The following ADAM23 variants were observed in gnomAD, a reference collection of about 807,000 sequenced individuals.
ADAM23 encodes ADAM metallopeptidase domain 23.
ADAM23 carries 33 observed loss-of-function variants against 120.1 expected under a neutral mutation model. The observed-to-expected ratio is 0.27, with a 90% confidence interval of 0.21 to 0.37. The LOEUF (loss-of-function observed/expected upper bound fraction) is 0.37. Ranked by LOEUF, ADAM23 falls within the 10% of genes least tolerant of loss-of-function variation. ADAM23 has a pLI of 1.00. For synonymous variants in ADAM23, 367 were observed against 375.2 expected (o/e 0.98, Z 0.25); for missense variants, 862 against 1,058.2 (o/e 0.81, Z 2.57).
chr2:206,583,439 G>A (rs1321271557), intron 18 of ADAM23, among the ~76,000 whole-genome samples: 2 of 150,172 alleles, frequency 1.3e-5, no homozygotes, highest in Non-Finnish European at 3.0e-5. Flanking sequence ...GGGCGAAAGA[G>A]CGAGACTCCG....
At chr2:206,527,132 A>G (rs12998785) in intron 3 of ADAM23, among the ~76,000 whole-genome samples, 2,738 of 152,312 alleles carry the variant, frequency 0.018, 30 homozygotes, top group Middle Eastern at 0.051. Context: ...TTTATTTTAG[A>G]ATTTAGGATG....
At chr2:206,576,938 A>G (rs1361313266) in intron 18 of ADAM23, among the ~76,000 whole-genome samples, 3 of 152,196 alleles carry the variant, frequency 2.0e-5, no homozygotes, top group Non-Finnish European at 4.4e-5. Context: ...ATAATTTAAA[A>G]TAAACACTTC....
chr2:206,579,521 T>C (rs946776055), intron 18 of ADAM23, among the ~76,000 whole-genome samples: 1 of 152,218 alleles, frequency 6.6e-6, no homozygotes, highest in African/African-American at 2.4e-5. Flanking sequence ...TTTTGTTTGC[T>C]TTATCAAAGA....
chr2:206,534,372 A>G (rs1040052472), intron 4 of ADAM23, among the ~76,000 whole-genome samples: 2 of 152,216 alleles, frequency 1.3e-5, no homozygotes, highest in Non-Finnish European at 2.9e-5. Context: ...TAAATTGTAT[A>G]TATAGGAATT....
At chr2:206,444,144 G>A in intron 1 of ADAM23, 64 bp downstream of exon 1, 2 of 1,194,810 alleles carry the variant, frequency 1.7e-6, no homozygotes, top group Non-Finnish European at 2.1e-6. Context: ...GAAAGCGAAG[G>A]GCGCGCGGGT....
chr2:206,468,921 C>T (rs760386576), intron 2 of ADAM23, among the ~76,000 whole-genome samples: 10 of 152,164 alleles, frequency 6.6e-5, no homozygotes, highest in Non-Finnish European at 1.0e-4. Context: ...AGCAGTCATT[C>T]ACATGGCCAG....
chr2:206,572,380 A>G (rs1224166553), intron 17 of ADAM23, among the ~76,000 whole-genome samples: 1 of 152,182 alleles, frequency 6.6e-6, no homozygotes, highest in Non-Finnish European at 1.5e-5. Flanking sequence ...TTATTTTTGA[A>G]AACTCATTTT....
Position 206,530,978 on chromosome 2 carries a change from A to G in ADAM23, c.573+30A>G, listed in dbSNP as rs16824776. 0.015 allele frequency: 23,571 copies of G among 1,595,088 alleles called. 660 individuals carry two copies. The highest frequency in any genetic ancestry group is 0.1 in the East Asian group (4,512 of 44,700). On this transcript the variant is annotated intron_variant, in intron 4 of 25. Transcript: ENST00000264377. ...GGTTACCGGCGTCGGCAAGTACTCTAGTATAAGTGTGCTTATCATAGAGTT... is the reference window on the plus strand; with the variant it reads ...GGTTACCGGCGTCGGCAAGTACTCTGGTATAAGTGTGCTTATCATAGAGTT...
intron 16 of ADAM23, among the ~76,000 whole-genome samples, 170 bp downstream of exon 16, chr2:206,570,981 T>G (rs1416510323): frequency 1.3e-5 from 2 of 152,252 alleles, no homozygotes; most frequent in Non-Finnish European, 2.9e-5. Flanking sequence ...CATGTCCTTA[T>G]GGCCTTGTCT....
intron 24 of ADAM23, chr2:206,608,023 AT>A (rs1184402300): frequency 2.4e-6 from 1 of 420,110 alleles, no homozygotes; most frequent in South Asian, 1.8e-5. Context: ...ATGGTTATAT[AT>A]TTTTTTAATA....
At chr2:206,557,128 C>CACA (rs1697661289) in intron 9 of ADAM23, among the ~76,000 whole-genome samples, 1 of 151,836 alleles carries the variant, frequency 6.6e-6, no homozygotes, top group African/African-American at 2.4e-5. Context: ...CAGGATCTCA[C>CACA]TGTGTTGCTT....
At chr2:206,488,402 T>G (rs1449523075) in intron 3 of ADAM23, among the ~76,000 whole-genome samples, 1 of 152,134 alleles carries the variant, frequency 6.6e-6, no homozygotes, top group Non-Finnish European at 1.5e-5. Context: ...AAGGTGGGAT[T>G]CCATGGGACT....
chr2:206,551,245 CA>C (rs1697519676), intron 9 of ADAM23, among the ~76,000 whole-genome samples: 1 of 151,968 alleles, frequency 6.6e-6, no homozygotes, highest in African/African-American at 2.4e-5. Context: ...TAGCTGATTT[CA>C]AGCTATCAAA....
intron 21 of ADAM23, 87 bp downstream of exon 21, chr2:206,589,601 G>T: frequency 9.2e-7 from 1 of 1,085,076 alleles, no homozygotes; most frequent in Non-Finnish European, 1.3e-6. Flanking sequence ...AAATGCTAAT[G>T]ATTTTTTTCT....
At chr2:206,526,481 C>T (rs1696950725) in intron 3 of ADAM23, among the ~76,000 whole-genome samples, 1 of 152,154 alleles carries the variant, frequency 6.6e-6, no homozygotes, top group South Asian at 2.1e-4. Context: ...AGTTCTTCTC[C>T]AAATCATGAT....
intron 3 of ADAM23, among the ~76,000 whole-genome samples, chr2:206,524,866 T>C (rs1159888842): frequency 3.3e-5 from 5 of 152,162 alleles, no homozygotes; most frequent in African/African-American, 9.7e-5. Flanking sequence ...TGAAGTATGA[T>C]GACAGAACCC....
In ADAM23 at chr2:206,471,067, A is replaced by G. The variant is rs568915293; in HGVS notation, c.433-10165A>G. ...AATCACTGGGTAGAAACAGTATGAAACCTATCAACAAGGATCAGTGAATCG... is the reference window on the plus strand; with the variant it reads ...AATCACTGGGTAGAAACAGTATGAAGCCTATCAACAAGGATCAGTGAATCG... On this transcript the variant is annotated intron_variant, in intron 2 of 25. Coordinates refer to ENST00000264377, the MANE Select transcript of ADAM23 (RefSeq NM_003812.4). Among the ~76,000 whole-genome samples the G allele has an allele frequency of 2.0e-5, 3 of 152,326 alleles. No individual in the cohort carries two copies. In the East Asian group the frequency reaches 5.8e-4, roughly 29 times the overall value.
At chr2:206,614,126 G>T (rs139497520) in intron 25 of ADAM23, among the ~76,000 whole-genome samples, 99 of 152,264 alleles carry the variant, frequency 6.5e-4, no homozygotes, top group African/African-American at 2.4e-3. Context: ...GGCCATACTG[G>T]CCTGGCATAG....
rs569470104 is a variant in ADAM23 at position 206,531,844 on chromosome 2, G to A, written c.573+896G>A. On this transcript the variant is annotated intron_variant, in intron 4 of 25. Coordinates refer to ENST00000264377, the MANE Select transcript of ADAM23 (RefSeq NM_003812.4). ...TAGCACCTTTCCCGTATGTGGACTT[G>A]TGCCATATAGGTAACTGGGATTTTC... Among the ~76,000 whole-genome samples the A allele has an allele frequency of 6.6e-5, 10 of 152,312 alleles. No homozygotes were observed. In the South Asian group the frequency reaches 1.9e-3, roughly 28 times the overall value.
Sources: allele counts gnomAD v4.1 joint callset (sites outside exome capture counted in the v4.1 genomes callset), GRCh38; gene constraint gnomAD v4.1.1; transcripts MANE v1.5; gene names NCBI Gene and HGNC (gene_info 2026-07-23, HGNC 2026-07-21).